EWSR1: variants seen among roughly 807,000 people sequenced by gnomAD.
EWSR1 encodes RNA-binding protein EWS.
Under a neutral mutation model 92.1 loss-of-function variants are expected in EWSR1, and 14 were observed. That is an observed-to-expected ratio of 0.15 (90% CI 0.10 to 0.24). The LOEUF (loss-of-function observed/expected upper bound fraction) is 0.24. Ranked by LOEUF, EWSR1 falls within the 10% of genes least tolerant of loss-of-function variation. The pLI is 1.00. For missense variants in EWSR1, 637 were observed against 870.9 expected, an observed-to-expected ratio of 0.73 and a Z score of 3.38; for synonymous variants, 303 against 292.9, an observed-to-expected ratio of 1.03 and a Z score of -0.35.
chr22:29,275,426 T>C (rs543202412), intron 4 of EWSR1, among the ~76,000 whole-genome samples: 1 of 152,268 alleles, frequency 6.6e-6, no homozygotes, highest in East Asian at 1.9e-4. Flanking sequence ...GTCATTCTAG[T>C]TTAGAGACTA....
At chr22:29,272,040 T>G (rs1271434879) in intron 1 of EWSR1, among the ~76,000 whole-genome samples, 176 bp from the exon 2 acceptor site, 1 of 152,168 alleles carries the variant, frequency 6.6e-6, no homozygotes, top group Non-Finnish European at 1.5e-5. Flanking sequence ...TTTAACTGGT[T>G]TAGACTTTTT....
At chr22:29,296,013 C>T in intron 11 of EWSR1, 1 of 482,486 alleles carries the variant, frequency 2.1e-6, no homozygotes, top group Non-Finnish European at 3.8e-6. Flanking sequence ...AGGAGTGGGG[C>T]CTATCCTGTT....
In EWSR1 at chr22:29,268,269, C is replaced by T. The variant is rs1341397069; in HGVS notation, c.-68C>T. On this transcript the variant is annotated 5_prime_UTR_variant, in exon 1 of 17. Transcript: ENST00000397938. ...CGGGGTTGCGAGATTTGCGCCTGCG[C>T]AGTGCGGCGCCTAGAGGGAAAGCGA... The T allele has an allele frequency of 6.3e-7, 1 of 1,584,584 alleles. No homozygotes were observed. The highest frequency in any genetic ancestry group is 8.7e-7 in the Non-Finnish European group (1 of 1,153,416).
intron 11 of EWSR1, among the ~76,000 whole-genome samples, chr22:29,294,019 C>T (rs1035336415): frequency 1.3e-5 from 2 of 151,906 alleles, no homozygotes; most frequent in Non-Finnish European, 2.9e-5. Flanking sequence ...CAGGCGCCTG[C>T]CAGCACCCCT....
chr22:29,274,070 C>A (rs1218102790), intron 4 of EWSR1, among the ~76,000 whole-genome samples: 1 of 152,068 alleles, frequency 6.6e-6, no homozygotes, highest in Non-Finnish European at 1.5e-5. Context: ...GGGATAAATT[C>A]CAAGAGAGAA....
At chr22:29,298,602 G>A (rs1034205908) in intron 13 of EWSR1, 131 bp from the exon 14 acceptor site, 10 of 1,148,718 alleles carry the variant, frequency 8.7e-6, no homozygotes, top group Admixed American at 1.9e-5. Context: ...TGAGCCACAC[G>A]GAAACACGGG....
intron 4 of EWSR1, chr22:29,277,743 T>C: frequency 5.4e-6 from 2 of 373,702 alleles, no homozygotes; most frequent in Non-Finnish European, 9.8e-6. Flanking sequence ...ATTCACAGCA[T>C]TCAAGAGGGG....
chr22:29,284,841 C>T (rs997305344), intron 6 of EWSR1, among the ~76,000 whole-genome samples: 7 of 151,122 alleles, frequency 4.6e-5, no homozygotes, highest in Admixed American at 2.0e-4. Flanking sequence ...TTTTTTGAGA[C>T]GGAGTTTCAC....
At chr22:29,299,104 G>T (rs1395588854) in intron 14 of EWSR1, 130 bp from the exon 15 acceptor site, 5 of 1,548,906 alleles carry the variant, frequency 3.2e-6, no homozygotes, top group Admixed American at 1.7e-5. Flanking sequence ...GCTGCCTGAG[G>T]CTGTGCCCTA....
Position 29,273,833 on chromosome 22 carries a change from C to T in EWSR1, c.195C>T (p.Ala65=), listed in dbSNP as rs1415659640. 6.2e-7 allele frequency: 1 copy of T among 1,614,114 alleles called. No homozygotes were observed. The highest frequency in any genetic ancestry group is 8.5e-7 in the Non-Finnish European group (1 of 1,179,966). Residue 65 remains alanine, a synonymous_variant, in exon 4 of 17, where the codon GCC becomes GCT. Transcript: ENST00000397938. ...CCACTGCAACCTATGGGCAGACCGC[C>T]TATGCAACTTCTTATGGACAGCCTC... ...AQTTATYGQT[A]YATSYGQPPT... is the part of the protein sequence containing the mutation.
chr22:29,284,678 G>C (rs1258349860), intron 6 of EWSR1, among the ~76,000 whole-genome samples: 2 of 151,130 alleles, frequency 1.3e-5, no homozygotes, highest in African/African-American at 2.5e-5. Flanking sequence ...TCCAGGCTGG[G>C]GTACAGTGAC....
Position 29,300,108 on chromosome 22 carries a change from T to C in EWSR1, c.1932-14T>C. On this transcript the variant is annotated splice_polypyrimidine_tract_variant and intron_variant, in intron 16 of 16. Transcript: ENST00000397938. ...CCTTCCCATTCTAACCGAAGGGCCC[T>C]CTTTACCTTGCAGAGGCGAGCACCG... 1 of 1,599,944 alleles carries C rather than the reference T, an allele frequency of 6.3e-7. No homozygotes were observed. The highest frequency in any genetic ancestry group is 8.5e-7 in the Non-Finnish European group (1 of 1,177,186).
intron 11 of EWSR1, among the ~76,000 whole-genome samples, chr22:29,293,910 A>T (rs935439599): frequency 6.7e-6 from 1 of 150,098 alleles, no homozygotes; most frequent in Non-Finnish European, 1.5e-5. Flanking sequence ...ACAGAGTCTC[A>T]CTCCTTCACC....
intron 5 of EWSR1, among the ~76,000 whole-genome samples, chr22:29,280,266 CTA>C (rs1488400926): frequency 2.6e-5 from 4 of 152,164 alleles, no homozygotes; most frequent in Non-Finnish European, 5.9e-5. Context: ...CAAGGTTTCA[CTA>C]TGTTGGCCAG....
intron 5 of EWSR1, among the ~76,000 whole-genome samples, chr22:29,280,956 T>G (rs1236974875): frequency 7.2e-6 from 1 of 139,554 alleles, no homozygotes; most frequent in Non-Finnish European, 1.5e-5. Flanking sequence ...CTCAGCTCAC[T>G]GCAAGCTCCG....
intron 1 of EWSR1, 25 bp from the exon 2 acceptor site, chr22:29,272,191 A>G (rs1163756072): frequency 2.5e-6 from 4 of 1,610,284 alleles, no homozygotes; most frequent in African/African-American, 1.3e-5. Context: ...ACTTTACACT[A>G]TTTTTCCTCC....
In EWSR1 at chr22:29,298,753, C is replaced by G; in HGVS notation, c.1438C>G (p.Pro480Ala). The G allele has an allele frequency of 6.2e-7, 1 of 1,613,614 alleles. No homozygotes were observed. Among genetic ancestry groups the G allele is most frequent in the Non-Finnish European group, 8.5e-7 (1 of 1,179,936 alleles). The change falls in exon 14 of 17, where the codon CCT (proline) becomes GCT (alanine). Residue 480 changes from proline to alanine, a missense_variant. Physicochemically the swap from Pro to Ala is conservative, Grantham distance 27 (BLOSUM62 -1). Coordinates refer to ENST00000397938, the MANE Select transcript of EWSR1 (RefSeq NM_005243.4). Reference protein sequence around the residue: ...LRGGPGGPGGPGGPMGRMGGR... With the variant: ...LRGGPGGPGGAGGPMGRMGGR... ...TGTAGGTCCAGGAGGCCCAGGAGGTCCTGGGGGACCCATGGGTCGCATGGG... is the reference window on the plus strand; with the variant it reads ...TGTAGGTCCAGGAGGCCCAGGAGGTGCTGGGGGACCCATGGGTCGCATGGG...
At chr22:29,274,408 T>C (rs1450042232) in intron 4 of EWSR1, 8 of 1,062,552 alleles carry the variant, frequency 7.5e-6, no homozygotes, top group Non-Finnish European at 1.0e-5. Flanking sequence ...CACAGCAAGG[T>C]GCTAATGAAA....
intron 11 of EWSR1, 145 bp from the exon 12 acceptor site, chr22:29,296,094 C>A: frequency 2.4e-6 from 2 of 832,108 alleles, no homozygotes; most frequent in Non-Finnish European, 3.6e-6. Context: ...ACTTAGAATT[C>A]TGAAAAACTT....
Sources: gnomAD v4.1 joint callset for allele counts (sites outside exome capture counted in the v4.1 genomes callset) on GRCh38, gnomAD v4.1.1 for gene constraint, MANE v1.5 for transcripts, NCBI Gene and HGNC (gene_info 2026-07-23, HGNC 2026-07-21) for gene names.